The following SLC35F1 variants were observed in gnomAD, a reference collection of about 807,000 sequenced individuals.
SLC35F1 encodes the protein chromosome 6 open reading frame 169.
SLC35F1 carries 14 observed loss-of-function variants against 48.7 expected under a neutral mutation model. The observed-to-expected ratio is 0.29, with a 90% confidence interval of 0.19 to 0.45. The LOEUF is 0.45. Ranked by LOEUF, SLC35F1 falls within the 20% of genes least tolerant of loss-of-function variation. SLC35F1 has a pLI of 1.00. For synonymous variants in SLC35F1, 190 were observed against 202.2 expected, an observed-to-expected ratio of 0.94 and a Z score of 0.51; for missense variants, 404 against 500.0, an observed-to-expected ratio of 0.81 and a Z score of 1.83.
intron 1 of SLC35F1, among the ~76,000 whole-genome samples, chr6:117,957,001 C>A (rs994404938): frequency 6.6e-6 from 1 of 152,124 alleles, no homozygotes; most frequent in African/African-American, 2.4e-5. Flanking sequence ...TCTAAGCCTG[C>A]GGTGATGACT....
intron 1 of SLC35F1, among the ~76,000 whole-genome samples, chr6:118,085,478 CTT>C (rs1299611336): frequency 5.0e-5 from 4 of 80,160 alleles, no homozygotes; most frequent in African/African-American, 9.2e-5. Flanking sequence ...CTTTTTTTTT[CTT>C]TCTTTCCTTT....
At chr6:118,070,852 A>G (rs1490061969) in intron 1 of SLC35F1, among the ~76,000 whole-genome samples, 1 of 142,844 alleles carries the variant, frequency 7.0e-6, no homozygotes, top group Non-Finnish European at 1.5e-5. Context: ...GTATATATAT[A>G]CACATAGGAT....
chr6:118,246,770 T>C (rs539673319), intron 3 of SLC35F1, among the ~76,000 whole-genome samples: 40 of 152,290 alleles, frequency 2.6e-4, no homozygotes, highest in African/African-American at 9.1e-4. Flanking sequence ...AAGATTGTAT[T>C]TGATGGTCCA....
intron 1 of SLC35F1, among the ~76,000 whole-genome samples, chr6:118,024,954 T>C (rs1777443681): frequency 6.6e-6 from 1 of 152,220 alleles, no homozygotes; most frequent in Non-Finnish European, 1.5e-5. Flanking sequence ...ACTTTTATTT[T>C]AGATAGATTT....
chr6:118,202,865 C>T (rs1177226740), intron 2 of SLC35F1, among the ~76,000 whole-genome samples: 1 of 152,212 alleles, frequency 6.6e-6, no homozygotes. Flanking sequence ...GACATTTGAG[C>T]TGAGACCTGA....
At chr6:118,163,665 C>T (rs543999807) in intron 2 of SLC35F1, among the ~76,000 whole-genome samples, 2 of 152,268 alleles carry the variant, frequency 1.3e-5, no homozygotes, top group Admixed American at 1.3e-4. Context: ...ATTCCTGGCA[C>T]GCAGCTCCAT....
intron 1 of SLC35F1, among the ~76,000 whole-genome samples, chr6:117,919,854 G>C (rs1396736547): frequency 6.6e-6 from 1 of 152,142 alleles, no homozygotes. Flanking sequence ...CAGCCCAGGA[G>C]CTCCGCGGTA....
chr6:118,170,756 A>G (rs2114494984), intron 2 of SLC35F1, among the ~76,000 whole-genome samples: 1 of 152,028 alleles, frequency 6.6e-6, no homozygotes, highest in South Asian at 2.1e-4. Flanking sequence ...TTTTAAGTTT[A>G]CTTTAATCTT....
chr6:117,961,481 G>A (rs2114835488), intron 1 of SLC35F1, among the ~76,000 whole-genome samples: 1 of 152,280 alleles, frequency 6.6e-6, no homozygotes. Flanking sequence ...CTGAAGCTCT[G>A]GAGTTGCTTC....
At chr6:117,945,114 G>A (rs1310359237) in intron 1 of SLC35F1, among the ~76,000 whole-genome samples, 2 of 152,146 alleles carry the variant, frequency 1.3e-5, no homozygotes, top group South Asian at 2.1e-4. Context: ...GTATGGTAAT[G>A]GCTGAGGAAG....
At chr6:118,186,450 T>C (rs2114517334) in intron 2 of SLC35F1, among the ~76,000 whole-genome samples, 1 of 152,192 alleles carries the variant, frequency 6.6e-6, no homozygotes, top group African/African-American at 2.4e-5. Flanking sequence ...TTCCTTTATT[T>C]TATGCATTGC....
At chr6:118,175,787 G>A (rs1388918525) in intron 2 of SLC35F1, among the ~76,000 whole-genome samples, 2 of 152,108 alleles carry the variant, frequency 1.3e-5, no homozygotes, top group Non-Finnish European at 2.9e-5. Context: ...CTGAAGGTCA[G>A]AAGAGGAGGC....
chr6:118,279,530 C>A (rs572653270), intron 6 of SLC35F1, among the ~76,000 whole-genome samples: 12 of 152,306 alleles, frequency 7.9e-5, no homozygotes, highest in African/African-American at 2.6e-4. Flanking sequence ...TGGTCCTATT[C>A]TTTCCTCTCT....
chr6:118,210,623 GT>G (rs1774990334), intron 2 of SLC35F1, among the ~76,000 whole-genome samples: 1 of 152,074 alleles, frequency 6.6e-6, no homozygotes, highest in Non-Finnish European at 1.5e-5. Flanking sequence ...TTCTCTCCTT[GT>G]GATTATTTAA....
intron 1 of SLC35F1, among the ~76,000 whole-genome samples, chr6:117,962,903 G>A (rs1363340309): frequency 6.6e-6 from 1 of 152,170 alleles, no homozygotes; most frequent in African/African-American, 2.4e-5. Flanking sequence ...TAGAGCTTGT[G>A]CTGGGGGACC....
intron 2 of SLC35F1, among the ~76,000 whole-genome samples, chr6:118,210,592 A>G (rs205918): frequency 0.078 from 11,936 of 152,136 alleles, 595 homozygotes; most frequent in African/African-American, 0.13. Flanking sequence ...CCTGGGTAAG[A>G]GCCGTTCTCA....
At chr6:118,051,309 A>G (rs1354479577) in intron 1 of SLC35F1, among the ~76,000 whole-genome samples, 2 of 152,150 alleles carry the variant, frequency 1.3e-5, no homozygotes, top group African/African-American at 4.8e-5. Flanking sequence ...TTTATTCAGT[A>G]TGCATTGATT....
intron 2 of SLC35F1, among the ~76,000 whole-genome samples, chr6:118,156,633 G>A (rs933108852): frequency 4.7e-5 from 7 of 149,344 alleles, no homozygotes; most frequent in Middle Eastern, 3.4e-3. Context: ...AAACCTGCAC[G>A]TTGTGCACAT....
At chr6:118,102,010 G>T (rs1773265069) in intron 1 of SLC35F1, among the ~76,000 whole-genome samples, 1 of 152,114 alleles carries the variant, frequency 6.6e-6, no homozygotes, top group Non-Finnish European at 1.5e-5. Flanking sequence ...GACTGGTTTT[G>T]CCTTCTCAGT....
Sources: gnomAD v4.1 joint callset for allele counts (sites outside exome capture counted in the v4.1 genomes callset) on GRCh38, gnomAD v4.1.1 for gene constraint, MANE v1.5 for transcripts, NCBI Gene and HGNC (gene_info 2026-07-23, HGNC 2026-07-21) for gene names.